The following ROBO2 variants were observed in gnomAD, a reference collection of about 807,000 sequenced individuals.
The protein encoded by ROBO2 is roundabout guidance receptor 2.
Under a neutral mutation model 160.8 loss-of-function variants are expected in ROBO2, and 53 were observed. The observed-to-expected ratio is 0.33, with a 90% CI of 0.26 to 0.41. The LOEUF (loss-of-function observed/expected upper bound fraction) is 0.41, where lower values mean the gene tolerates loss of function less well. Ranked by LOEUF, ROBO2 falls within the 10% of genes least tolerant of loss-of-function variation. The probability of loss-of-function intolerance (pLI) is 1.00; values close to 1 mark genes in which losing one functional copy is unlikely to be tolerated. For synonymous variants in ROBO2, 664 were observed against 611.7 expected (o/e 1.09, Z -1.26); for missense variants, 1,577 against 1,722.4 (o/e 0.92, Z 1.49).
At chr3:76,851,002 C>T (rs1412765186) in intron 2 of ROBO2, among the ~76,000 whole-genome samples, 4 of 152,228 alleles carry the variant, frequency 2.6e-5, no homozygotes, top group African/African-American at 7.2e-5. Flanking sequence ...GCTATAAATG[C>T]CTGGAATGTT....
At chr3:77,630,084 ATTTAGAC>A (rs1170549903) in intron 23 of ROBO2, 1 of 152,188 alleles carries the variant, frequency 6.6e-6, no homozygotes, top group Non-Finnish European at 1.5e-5. Flanking sequence ...ATGGCATTTA[ATTTAGAC>A]TTTAAAGTTT....
intron 2 of ROBO2, among the ~76,000 whole-genome samples, chr3:76,235,040 A>C (rs144521741): frequency 0.034 from 5,147 of 152,198 alleles, 106 homozygotes; most frequent in South Asian, 0.079. Flanking sequence ...AACATTTTGC[A>C]CTTAGAAGGA....
chr3:77,231,003 T>G (rs933562837), intron 2 of ROBO2, among the ~76,000 whole-genome samples: 1 of 152,186 alleles, frequency 6.6e-6, no homozygotes, highest in Non-Finnish European at 1.5e-5. Flanking sequence ...ATTGAACATG[T>G]GCTTGGAAGT....
chr3:76,773,617 A>G (rs1261665912), intron 2 of ROBO2, among the ~76,000 whole-genome samples: 2 of 150,780 alleles, frequency 1.3e-5, no homozygotes, highest in African/African-American at 4.8e-5. Context: ...CACCTGTGAA[A>G]TAAACTTCAA....
chr3:76,538,836 C>T (rs1024810919), intron 2 of ROBO2, among the ~76,000 whole-genome samples: 1 of 152,132 alleles, frequency 6.6e-6, no homozygotes, highest in Non-Finnish European at 1.5e-5. Flanking sequence ...TAAGTGACAT[C>T]ATGCAGTATT....
chr3:76,976,376 T>G (rs73841683), intron 2 of ROBO2, among the ~76,000 whole-genome samples: 2 of 152,230 alleles, frequency 1.3e-5, no homozygotes, highest in African/African-American at 4.8e-5. Context: ...AGATGCTCAT[T>G]GTCATCAACG....
intron 2 of ROBO2, among the ~76,000 whole-genome samples, chr3:76,322,384 A>G (rs1337656836): frequency 6.6e-6 from 1 of 151,918 alleles, no homozygotes; most frequent in East Asian, 1.9e-4. Flanking sequence ...ATTTTTACAG[A>G]CATTTCATAG....
At chr3:77,323,703 T>C (rs2065059580) in intron 2 of ROBO2, among the ~76,000 whole-genome samples, 1 of 152,098 alleles carries the variant, frequency 6.6e-6, no homozygotes, top group African/African-American at 2.4e-5. Flanking sequence ...TGAAAATGAT[T>C]ACAAAGCCCA....
chr3:76,868,892 T>A (rs2071670257), intron 2 of ROBO2, among the ~76,000 whole-genome samples: 1 of 152,210 alleles, frequency 6.6e-6, no homozygotes, highest in African/African-American at 2.4e-5. Flanking sequence ...ATCGGTAATA[T>A]TATGATTACA....
At chr3:77,405,513 C>T (rs960972866) in intron 2 of ROBO2, among the ~76,000 whole-genome samples, 6 of 151,750 alleles carry the variant, frequency 4.0e-5, no homozygotes, top group African/African-American at 1.5e-4. Flanking sequence ...ATGTTCTGCC[C>T]TAAATATAAC....
At chr3:77,382,162 G>A (rs982838498) in intron 2 of ROBO2, among the ~76,000 whole-genome samples, 2 of 152,144 alleles carry the variant, frequency 1.3e-5, no homozygotes, top group African/African-American at 4.8e-5. Flanking sequence ...AAATGGCAGA[G>A]CTGCCCATTG....
chr3:76,572,388 CTTTG>C (rs566554047), intron 2 of ROBO2, among the ~76,000 whole-genome samples: 226 of 151,848 alleles, frequency 1.5e-3, no homozygotes, highest in African/African-American at 5.1e-3. Flanking sequence ...TTGTTTTTGT[CTTTG>C]TTTGTTTTTT....
chr3:77,522,894 C>T (rs2090755572), exon 6 of ROBO2: 2 of 1,608,942 alleles, frequency 1.2e-6, no homozygotes, highest in Non-Finnish European at 1.7e-6. Flanking sequence ...GCTACACTCA[C>T]CGTCCGAGGT....
chr3:77,149,880 T>C (rs1452837131), intron 2 of ROBO2, among the ~76,000 whole-genome samples: 1 of 152,150 alleles, frequency 6.6e-6, no homozygotes, highest in East Asian at 1.9e-4. Flanking sequence ...TGCATATTTA[T>C]TTGTTAATGT....
intron 2 of ROBO2, among the ~76,000 whole-genome samples, chr3:77,351,238 G>C (rs1323866786): frequency 2.6e-5 from 4 of 151,610 alleles, no homozygotes; most frequent in Non-Finnish European, 2.9e-5. Context: ...ATTAATTTTA[G>C]GGAAAAAAAA....
intron 2 of ROBO2, among the ~76,000 whole-genome samples, chr3:77,153,789 A>C (rs2077734909): frequency 6.6e-6 from 1 of 152,100 alleles, no homozygotes; most frequent in Non-Finnish European, 1.5e-5. Flanking sequence ...ACTTGATATG[A>C]TTCAATCCAA....
At chr3:76,757,074 A>G (rs757733594) in intron 2 of ROBO2, among the ~76,000 whole-genome samples, 1 of 151,822 alleles carries the variant, frequency 6.6e-6, no homozygotes, top group African/African-American at 2.4e-5. Context: ...TGGATTTTGC[A>G]ATCTATTTAA....
chr3:77,589,797 CAAT>C (rs1403885508), intron 17 of ROBO2, among the ~76,000 whole-genome samples: 4 of 152,080 alleles, frequency 2.6e-5, no homozygotes, highest in African/African-American at 7.2e-5. Flanking sequence ...TCTCCAACAA[CAAT>C]GATAAGAAAT....
chr3:75,969,221 T>C (rs1274675184), intron 2 of ROBO2, among the ~76,000 whole-genome samples: 6 of 150,572 alleles, frequency 4.0e-5, no homozygotes, highest in Admixed American at 1.3e-4. Flanking sequence ...ATAGTTTCTT[T>C]ATCCAATTGT....
Sources: allele counts gnomAD v4.1 joint callset (sites outside exome capture counted in the v4.1 genomes callset), GRCh38; gene constraint gnomAD v4.1.1; transcripts MANE v1.5; gene names NCBI Gene and HGNC (gene_info 2026-07-23, HGNC 2026-07-21).